The following STARD9 variants were observed in gnomAD, a reference collection of about 807,000 sequenced individuals.
STARD9 encodes the protein stAR-related lipid transfer protein 9.
Under a neutral mutation model 399.8 loss-of-function variants are expected in STARD9, and 346 were observed. The observed-to-expected ratio is 0.87, with a 90% CI of 0.79 to 0.95. The LOEUF (loss-of-function observed/expected upper bound fraction) is 0.95. Ranked by LOEUF, STARD9 falls within the 40% of genes least tolerant of loss-of-function variation. The pLI, the probability that STARD9 is intolerant of heterozygous loss-of-function variation, is 0.00. For missense variants in STARD9, 5,832 were observed against 5,667.5 expected, an observed-to-expected ratio of 1.03 and a Z score of -0.93; for synonymous variants, 2,203 against 2,143.5, an observed-to-expected ratio of 1.03 and a Z score of -0.77.
chr15:42,698,535 A>C (rs1344195457), intron 26 of STARD9, among the ~76,000 whole-genome samples: 1 of 152,018 alleles, frequency 6.6e-6, no homozygotes, highest in Non-Finnish European at 1.5e-5. Flanking sequence ...AGAGTTCTTT[A>C]TATTTTAGTA....
chr15:42,630,702 C>T (rs1449815170), intron 3 of STARD9, among the ~76,000 whole-genome samples: 1 of 151,944 alleles, frequency 6.6e-6, no homozygotes, highest in Admixed American at 6.6e-5. Flanking sequence ...CTAGGTTTTC[C>T]AATTTATTGG....
rs557187583 is a variant in STARD9, at chr15:42,691,156, T to C, written c.9578T>C (p.Phe3193Ser). ...AATCGCTTGGATTCCCAAGCCAAGT[T>C]TGTAGCAAGGTTAAAACATACCTGC... ...DHNRLDSQAK[F>S]VARLKHTCSP... The change falls in exon 23 of 33, where the codon TTT becomes TCT. Residue 3193 changes from phenylalanine to serine, a missense_variant. Around this residue, in one of 2 missense-constraint regions of STARD9, gnomAD observed 5,828 missense variants for 5,651.1 expected, o/e 1.03. Coordinates refer to ENST00000290607, the MANE Select transcript of STARD9 (RefSeq NM_020759.3). The C allele has an allele frequency of 7.2e-5, 110 of 1,537,230 alleles. No individual in the cohort carries two copies. In the Admixed American group the frequency reaches 8.0e-4, roughly 11 times the overall value.
intron 3 of STARD9, among the ~76,000 whole-genome samples, chr15:42,599,075 C>T (rs1362661448): frequency 1.3e-5 from 2 of 152,102 alleles, no homozygotes; most frequent in Non-Finnish European, 2.9e-5. Context: ...AGGCCCCCAC[C>T]ACCATGCCTG....
At chr15:42,598,398 C>T (rs1423329436) in intron 3 of STARD9, among the ~76,000 whole-genome samples, 4 of 150,792 alleles carry the variant, frequency 2.7e-5, no homozygotes, top group Non-Finnish European at 5.9e-5. Flanking sequence ...TGTTAGGCTT[C>T]GAAAGGCTTT....
At chr15:42,662,143 T>TA (rs2140096583) in intron 10 of STARD9, among the ~76,000 whole-genome samples, 1 of 152,240 alleles carries the variant, frequency 6.6e-6, no homozygotes, top group African/African-American at 2.4e-5. Flanking sequence ...AAAAAAAGTT[T>TA]AAAAAATCTT....
At chr15:42,648,535 A>G (rs537026800) in intron 7 of STARD9, among the ~76,000 whole-genome samples, 1 of 152,206 alleles carries the variant, frequency 6.6e-6, no homozygotes, top group East Asian at 1.9e-4. Flanking sequence ...TCTTTTAGTC[A>G]TTAAAAATTA....
chr15:42,710,521 C>G (rs949253027), intron 26 of STARD9, among the ~76,000 whole-genome samples: 1 of 152,188 alleles, frequency 6.6e-6, no homozygotes, highest in Non-Finnish European at 1.5e-5. Flanking sequence ...CACGAATCTA[C>G]TTTCTGTCCC....
At position 42,693,200 on chromosome 15, in the gene STARD9, C is replaced by G; in HGVS notation, c.11622C>G (p.Ser3874=). The G allele has an allele frequency of 6.5e-7, 1 of 1,537,084 alleles. No individual in the cohort carries two copies. The highest frequency in any genetic ancestry group is 8.7e-7 in the Non-Finnish European group (1 of 1,146,876). Residue 3874 remains serine (S), a synonymous_variant, in exon 23 of 33, where the codon TCC becomes TCG. Coordinates refer to ENST00000290607, the MANE Select transcript of STARD9 (RefSeq NM_020759.3). ...PHSPGLFPST[S]EYPGDSRVQK... The stretch of plus-strand genomic sequence containing the variant: ...CCCCAGGGCTCTTTCCCAGTACTTC[C>G]GAGTATCCTGGGGACTCCAGGGTCC...
At chr15:42,703,032 C>T (rs142289188) in intron 26 of STARD9, among the ~76,000 whole-genome samples, 1 of 152,118 alleles carries the variant, frequency 6.6e-6, no homozygotes, top group African/African-American at 2.4e-5. Flanking sequence ...TGGCCTCAAG[C>T]AATCCTCCTA....
chr15:42,688,746 C>A lies in STARD9; in HGVS notation c.7168C>A (p.His2390Asn). 1.3e-6 allele frequency: 2 copies of A among 1,537,712 alleles called. No individual in the cohort carries two copies. The highest frequency in any genetic ancestry group is 1.7e-6 in the Non-Finnish European group (2 of 1,147,018). ...HQDQSTETRSHSPEGNVRGRS... is the reference protein window; with the variant it reads ...HQDQSTETRSNSPEGNVRGRS... The stretch of plus-strand genomic sequence containing the variant: ...GGACCAGAGTACGGAGACCAGAAGC[C>A]ACAGCCCCGAAGGAAATGTTAGAGG... Residue 2390 changes from histidine (H) to asparagine (N), a missense_variant, in exon 23 of 33, where the codon CAC becomes AAC. By Grantham distance (68) the His-to-Asn change is moderately conservative (BLOSUM62 1). Around this residue, in one of 2 missense-constraint regions of STARD9, gnomAD observed 5,828 missense variants for 5,651.1 expected, o/e 1.03. Coordinates refer to ENST00000290607, the MANE Select transcript of STARD9 (RefSeq NM_020759.3).
At chr15:42,590,466 T>A (rs1399873802) in intron 3 of STARD9, among the ~76,000 whole-genome samples, 1 of 152,270 alleles carries the variant, frequency 6.6e-6, no homozygotes, top group East Asian at 1.9e-4. Context: ...TTAGTGGATA[T>A]GGAGGGAGTA....
At chr15:42,620,304 G>T (rs1407970896) in intron 3 of STARD9, among the ~76,000 whole-genome samples, 1 of 150,326 alleles carries the variant, frequency 6.7e-6, no homozygotes, top group African/African-American at 2.4e-5. Context: ...TTTTTTCCGA[G>T]ACTATGTCTC....
At chr15:42,631,240 T>G (rs2059326247) in intron 3 of STARD9, among the ~76,000 whole-genome samples, 1 of 152,192 alleles carries the variant, frequency 6.6e-6, no homozygotes, top group Non-Finnish European at 1.5e-5. Context: ...CTCTTAGTAG[T>G]ACTTACACTG....
chr15:42,682,996 T>G (rs1239269419), intron 22 of STARD9, among the ~76,000 whole-genome samples: 1 of 152,224 alleles, frequency 6.6e-6, no homozygotes, highest in African/African-American at 2.4e-5. Flanking sequence ...AAGTGAGCTT[T>G]CTCACCCCAC....
At chr15:42,698,219 A>G (rs1359597757) in intron 26 of STARD9, among the ~76,000 whole-genome samples, 2 of 152,192 alleles carry the variant, frequency 1.3e-5, no homozygotes, top group Non-Finnish European at 2.9e-5. Context: ...TTCATGTATC[A>G]TTTTGTACAT....
intron 3 of STARD9, among the ~76,000 whole-genome samples, chr15:42,621,121 C>T (rs2059084003): frequency 6.6e-6 from 1 of 152,082 alleles, no homozygotes; most frequent in Non-Finnish European, 1.5e-5. Flanking sequence ...TCCTTGATAC[C>T]AGTATCACTG....
intron 26 of STARD9, among the ~76,000 whole-genome samples, chr15:42,704,636 T>G (rs989802893): frequency 6.6e-6 from 1 of 152,198 alleles, no homozygotes; most frequent in Non-Finnish European, 1.5e-5. Flanking sequence ...CCAATGTCCC[T>G]GGCCCCGATG....
At chr15:42,638,475 C>T (rs2059463098) in intron 6 of STARD9, among the ~76,000 whole-genome samples, 1 of 151,954 alleles carries the variant, frequency 6.6e-6, no homozygotes, top group South Asian at 2.1e-4. Flanking sequence ...CACTGCACTC[C>T]AACCTGTGAG....
intron 1 of STARD9, among the ~76,000 whole-genome samples, chr15:42,579,040 G>A (rs889348715): frequency 6.6e-6 from 1 of 152,172 alleles, no homozygotes; most frequent in Non-Finnish European, 1.5e-5. Context: ...AAATTCCCAG[G>A]ACACCAATGG....
Sources: gnomAD v4.1 joint callset for allele counts (sites outside exome capture counted in the v4.1 genomes callset) on GRCh38, gnomAD v4.1.1 for gene constraint, gnomAD v4.1.1 regional missense constraint, MANE v1.5 for transcripts, NCBI Gene and HGNC (gene_info 2026-07-23, HGNC 2026-07-21) for gene names.